The following AMMECR1 variants were observed in gnomAD, a reference collection of about 807,000 sequenced individuals.
AMMECR1 encodes nuclear protein AMMECR1.
AMMECR1 carries 3 observed loss-of-function variants against 22.5 expected under a neutral mutation model. The observed-to-expected ratio is 0.13, with a 90% CI of 0.06 to 0.35. The LOEUF (loss-of-function observed/expected upper bound fraction) is 0.35, where lower values mean the gene tolerates loss of function less well. AMMECR1 is among the 10% of genes least tolerant of loss of function. The probability of loss-of-function intolerance (pLI) is 1.00; values close to 1 mark genes in which losing one functional copy is unlikely to be tolerated. For synonymous variants in AMMECR1, 130 were observed against 116.7 expected (o/e 1.11, Z -0.74); for missense variants, 235 against 278.7 (o/e 0.84, Z 1.12).
intron 3 of AMMECR1, among the ~76,000 whole-genome samples, chrX:110,204,317 C>T (rs955120241): frequency 2.7e-5 from 3 of 110,996 alleles, no homozygotes; most frequent in African/African-American, 9.8e-5. Flanking sequence ...ATCAAAAACC[C>T]GTCATGTTAA....
At chrX:110,294,912 C>T (rs1167678209) in intron 1 of AMMECR1, among the ~76,000 whole-genome samples, 1 of 110,217 alleles carries the variant, frequency 9.1e-6, no homozygotes, top group African/African-American at 3.3e-5. Flanking sequence ...TTTGAATCTC[C>T]CACACTGCCT....
At chrX:110,429,730 T>C (rs5942926) in intron 1 of AMMECR1, among the ~76,000 whole-genome samples, 41,766 of 110,715 alleles carry the variant, frequency 0.38, 9,176 homozygotes, top group African/African-American at 0.84. Context: ...GTTCCACCTG[T>C]CTCGGCCTCC....
intron 2 of AMMECR1, among the ~76,000 whole-genome samples, chrX:110,238,608 G>A (rs777188000): frequency 8.9e-6 from 1 of 112,473 alleles, no homozygotes; most frequent in East Asian, 2.8e-4. Flanking sequence ...GAAAGGGGTG[G>A]CTGTGGGCAC....
chrX:110,252,008 C>T (rs1244549004), intron 2 of AMMECR1, among the ~76,000 whole-genome samples: 1 of 112,000 alleles, frequency 8.9e-6, no homozygotes, highest in African/African-American at 3.2e-5. Flanking sequence ...TAAATATTTA[C>T]TATGCATGTA....
chrX:110,222,769 G>C (rs1335957592), intron 2 of AMMECR1, among the ~76,000 whole-genome samples: 12 of 110,654 alleles, frequency 1.1e-4, no homozygotes, highest in Non-Finnish European at 2.3e-4. Context: ...CATATGCAAA[G>C]AAACAAGGAG....
chrX:110,239,416 T>C (rs745489411), intron 2 of AMMECR1, among the ~76,000 whole-genome samples: 1 of 110,715 alleles, frequency 9.0e-6, no homozygotes, highest in East Asian at 2.8e-4. Context: ...CAAGTATCAA[T>C]AGCCGAATCA....
At position 110,317,931 on chromosome X, in the gene AMMECR1, T is replaced by C; in HGVS notation, c.141A>G (p.Gly47=). The part of the protein sequence containing the change: ...SQCRAGELGL[G]GAGTRLNGLG... Reference sequence around the variant, plus strand: ...GCCCGTTGAGCCGCGTACCGGCGCCTCCTAGTCCCAGCTCCCCAGCTCGGC... The same window carrying C: ...GCCCGTTGAGCCGCGTACCGGCGCCCCCTAGTCCCAGCTCCCCAGCTCGGC... The change falls in exon 1 of 6, where the codon GGA becomes GGG. Residue 47 remains glycine (G), a synonymous_variant. Transcript: ENST00000262844. 8.3e-7 allele frequency: 1 copy of C among 1,198,153 alleles called. No individual in the cohort carries two copies.
At position 110,197,500 on chromosome X, in the gene AMMECR1, T is replaced by G. The variant is rs2067376459; in HGVS notation, c.*1020A>C. 1 of 111,989 alleles carries G rather than the reference T, an allele frequency of 8.9e-6. No homozygotes were observed. 9.2% of individuals were successfully genotyped at this position (111,989 alleles called of 1,213,427 possible). A position where few individuals can be genotyped will look rare whatever the true frequency, so the allele number is the denominator to read the frequency against. On this transcript the variant is annotated 3_prime_UTR_variant, in exon 6 of 6. Coordinates refer to ENST00000262844, the MANE Select transcript of AMMECR1 (RefSeq NM_015365.3). ...TTATTGGTTATTTGCTCAAAATAAT[T>G]TTTTTTCAGCTTAAAAAAATACTTA...
At chrX:110,411,945 A>G (rs1448339139) in intron 2 of AMMECR1, among the ~76,000 whole-genome samples, 1 of 112,834 alleles carries the variant, frequency 8.9e-6, no homozygotes, top group Non-Finnish European at 1.9e-5. Context: ...AGGAAGGAAT[A>G]AACGAGCTTC....
intron 2 of AMMECR1, among the ~76,000 whole-genome samples, chrX:110,239,695 A>G (rs1401812951): frequency 9.0e-6 from 1 of 111,580 alleles, no homozygotes; most frequent in African/African-American, 3.3e-5. Context: ...TTCAGGAAAT[A>G]CAGAGACCAC....
chrX:110,240,132 T>C (rs758545623), intron 2 of AMMECR1, among the ~76,000 whole-genome samples: 1 of 110,850 alleles, frequency 9.0e-6, no homozygotes, highest in East Asian at 2.8e-4. Context: ...ATTGACACTA[T>C]GAAGAAACTG....
chrX:110,391,905 TA>T (rs1269480061), intron 2 of AMMECR1, among the ~76,000 whole-genome samples: 1 of 111,977 alleles, frequency 8.9e-6, no homozygotes, highest in Non-Finnish European at 1.9e-5. Flanking sequence ...GTCAAAGGCT[TA>T]AAAAAATGTG....
intron 2 of AMMECR1, among the ~76,000 whole-genome samples, chrX:110,251,811 T>C (rs1393304158): frequency 1.8e-5 from 2 of 112,032 alleles, no homozygotes; most frequent in Admixed American, 1.9e-4. Flanking sequence ...AACAGAAATG[T>C]GATGGTGACT....
upstream of AMMECR1, among the ~76,000 whole-genome samples, chrX:110,319,054 C>T (rs990322163): frequency 1.8e-5 from 2 of 112,018 alleles, no homozygotes; most frequent in African/African-American, 6.5e-5. Flanking sequence ...AGGTAATGTA[C>T]TTAGTCACAA....
intron 2 of AMMECR1, among the ~76,000 whole-genome samples, chrX:110,258,780 TTTTCA>T (rs1450408485): frequency 9.0e-6 from 1 of 111,554 alleles, no homozygotes; most frequent in African/African-American, 3.3e-5. Context: ...ACAGCTTTTC[TTTTCA>T]TAAGAAAAAT....
chrX:110,249,732 T>A (rs1302583760), intron 2 of AMMECR1, among the ~76,000 whole-genome samples: 4 of 111,793 alleles, frequency 3.6e-5, no homozygotes, highest in African/African-American at 9.8e-5. Context: ...AAACCCCGTC[T>A]CCACTGAAAA....
intron 2 of AMMECR1, among the ~76,000 whole-genome samples, chrX:110,380,203 T>G: frequency 8.9e-6 from 1 of 111,814 alleles, no homozygotes; most frequent in Non-Finnish European, 1.9e-5. Flanking sequence ...GAATTAAGGT[T>G]GCAAAATTGT....
intron 3 of AMMECR1, among the ~76,000 whole-genome samples, chrX:110,204,371 T>C (rs373339681): frequency 9.0e-6 from 1 of 111,407 alleles, no homozygotes; most frequent in Admixed American, 9.6e-5. Context: ...CTAGTCAAAA[T>C]TGTGATAGGA....
chrX:110,244,950 G>C (rs2067651227), intron 2 of AMMECR1, among the ~76,000 whole-genome samples: 1 of 111,962 alleles, frequency 8.9e-6, no homozygotes, highest in African/African-American at 3.2e-5. Flanking sequence ...AAATCTGTAG[G>C]ACATAATGCC....
Sources: allele counts gnomAD v4.1 joint callset (sites outside exome capture counted in the v4.1 genomes callset), GRCh38; gene constraint gnomAD v4.1.1; transcripts MANE v1.5; gene names NCBI Gene and HGNC (gene_info 2026-07-23, HGNC 2026-07-21).